Variants in EYS observed in about 807,000 individuals in gnomAD.
EYS encodes the protein protein eyes shut homolog.
Under a neutral mutation model 282.1 loss-of-function variants are expected in EYS, and 250 were observed. The observed-to-expected ratio is 0.89, with a 90% CI of 0.80 to 0.98. EYS has a LOEUF of 0.98. Ranked by LOEUF, EYS falls within the 50% of genes least tolerant of loss-of-function variation. The pLI is 0.00. For synonymous variants in EYS, 1,355 were observed against 1,282.9 expected (o/e 1.06, Z -1.20); for missense variants, 4,016 against 3,709.0 (o/e 1.08, Z -2.15).
At chr6:65,422,111 T>C (rs571304931) in intron 5 of EYS, among the ~76,000 whole-genome samples, 2 of 152,026 alleles carry the variant, frequency 1.3e-5, no homozygotes, top group East Asian at 1.9e-4. Context: ...GTGAAGCACA[T>C]TACAGCAAGG....
At position 64,256,760 on chromosome 6, in the gene EYS, C is replaced by A. The variant is rs931173396; in HGVS notation, c.6192-25936G>T. Among the ~76,000 whole-genome samples the A allele has an allele frequency of 9.2e-5, 14 of 151,976 alleles. 1 individual carries two copies. Among genetic ancestry groups the A allele is most frequent in the African/African-American group, 3.4e-4 (14 of 41,404 alleles). ...CTACCAGCTATGAAGGAGTGAAAGG[C>A]AGCTAGGGAACATGACCTACCATTT... On this transcript the variant is annotated intron_variant, in intron 30 of 42. Coordinates refer to ENST00000503581, the MANE Select transcript of EYS (RefSeq NM_001142800.2).
At chr6:64,793,849 C>G (rs1201221657) in intron 22 of EYS, among the ~76,000 whole-genome samples, 1 of 151,922 alleles carries the variant, frequency 6.6e-6, no homozygotes, top group Non-Finnish European at 1.5e-5. Flanking sequence ...GAGATATACT[C>G]TCTTAGCAAA....
intron 13 of EYS, among the ~76,000 whole-genome samples, chr6:65,024,829 G>A (rs941112974): frequency 3.9e-5 from 6 of 151,986 alleles, no homozygotes; most frequent in African/African-American, 1.5e-4. Flanking sequence ...TTAAATAACC[G>A]TGAAAAAGGT....
chr6:64,725,502 G>A (rs200342763), intron 22 of EYS, among the ~76,000 whole-genome samples: 83 of 152,204 alleles, frequency 5.5e-4, no homozygotes, highest in African/African-American at 1.9e-3. Context: ...TCTTCCTAGA[G>A]AAATGAAGGA....
Position 64,271,916 on chromosome 6 carries a change from T to C in EYS, c.6191+35054A>G, listed in dbSNP as rs982493042. Among the ~76,000 whole-genome samples the C allele has an allele frequency of 3.3e-5, 5 of 152,314 alleles. No homozygotes were observed. The South Asian group carries it at 1.0e-3, about 32-fold the overall frequency. The stretch of plus-strand genomic sequence containing the variant: ...GTGCAATGGCGTGATCTCAGCTCAC[T>C]GCAACCTCTGTGTCCTGGTTTCAAG... On this transcript the variant is annotated intron_variant, in intron 30 of 42. Coordinates refer to ENST00000503581, the MANE Select transcript of EYS (RefSeq NM_001142800.2).
chr6:65,653,405 G>T (rs1767721155), intron 1 of EYS, among the ~76,000 whole-genome samples: 1 of 151,844 alleles, frequency 6.6e-6, no homozygotes, highest in Admixed American at 6.6e-5. Flanking sequence ...AGATAAAATT[G>T]CCACCAAACA....
chr6:64,104,731 T>C (rs946942382), intron 31 of EYS, among the ~76,000 whole-genome samples: 2 of 147,310 alleles, frequency 1.4e-5, no homozygotes, highest in African/African-American at 5.2e-5. Flanking sequence ...ACTTATAATA[T>C]CTCTCTTCTG....
intron 29 of EYS, among the ~76,000 whole-genome samples, chr6:64,369,873 T>G (rs111624214): frequency 0.022 from 3,357 of 152,184 alleles, 141 homozygotes; most frequent in African/African-American, 0.075. Flanking sequence ...TTTTGTACAT[T>G]GATTTTATAT....
At chr6:64,292,612 T>A (rs956238937) in intron 30 of EYS, among the ~76,000 whole-genome samples, 1 of 152,110 alleles carries the variant, frequency 6.6e-6, no homozygotes, top group Non-Finnish European at 1.5e-5. Context: ...TATATATTTA[T>A]ATTTACATCT....
chr6:64,271,784 A>G (rs928586217), intron 30 of EYS, among the ~76,000 whole-genome samples: 5 of 151,726 alleles, frequency 3.3e-5, no homozygotes, highest in Non-Finnish European at 5.9e-5. Flanking sequence ...CTGTTGTTCC[A>G]TTGTTCTGTT....
chr6:64,608,544 CAGTG>C (rs1391756960), intron 24 of EYS, among the ~76,000 whole-genome samples: 1 of 152,218 alleles, frequency 6.6e-6, no homozygotes, highest in East Asian at 1.9e-4. Flanking sequence ...CTGTATAATC[CAGTG>C]AGTGTGTGCC....
At chr6:64,119,768 T>C (rs1448862411) in intron 31 of EYS, among the ~76,000 whole-genome samples, 1 of 152,214 alleles carries the variant, frequency 6.6e-6, no homozygotes, top group African/African-American at 2.4e-5. Flanking sequence ...GCTTTTCACG[T>C]AGAAGGCACA....
At chr6:65,263,933 G>GA (rs1326266200) in intron 12 of EYS, among the ~76,000 whole-genome samples, 48 of 151,658 alleles carry the variant, frequency 3.2e-4, no homozygotes, top group Non-Finnish European at 7.4e-5. Context: ...CAAGGAAGTA[G>GA]AAAAAAACAC....
At chr6:65,255,599 G>GCAAA (rs1272249341) in intron 12 of EYS, among the ~76,000 whole-genome samples, 1 of 151,894 alleles carries the variant, frequency 6.6e-6, no homozygotes, top group Non-Finnish European at 1.5e-5. Context: ...AAAAGTATTT[G>GCAAA]CAAACTACCC....
chr6:64,202,029 G>C (rs890713308), intron 31 of EYS, among the ~76,000 whole-genome samples: 7 of 152,088 alleles, frequency 4.6e-5, no homozygotes, highest in Non-Finnish European at 7.4e-5. Context: ...GAAAAGCTCT[G>C]AGTGAGACAA....
chr6:64,704,141 T>C (rs1770890888), intron 22 of EYS, among the ~76,000 whole-genome samples: 1 of 151,930 alleles, frequency 6.6e-6, no homozygotes, highest in Non-Finnish European at 1.5e-5. Flanking sequence ...CATGAAATTC[T>C]AAACAAGAAT....
chr6:63,743,645 G>A (rs1187316358), intron 41 of EYS, among the ~76,000 whole-genome samples: 1 of 152,166 alleles, frequency 6.6e-6, no homozygotes, highest in Non-Finnish European at 1.5e-5. Context: ...CTAATTTGAT[G>A]CACCGTTTGT....
intron 22 of EYS, among the ~76,000 whole-genome samples, chr6:64,679,700 A>G (rs1769829274): frequency 6.6e-6 from 1 of 152,168 alleles, no homozygotes; most frequent in African/African-American, 2.4e-5. Flanking sequence ...TGTTGTCATC[A>G]TTTTGGTTAT....
intron 30 of EYS, among the ~76,000 whole-genome samples, chr6:64,240,284 C>A (rs966890659): frequency 2.6e-5 from 4 of 152,112 alleles, no homozygotes; most frequent in Non-Finnish European, 4.4e-5. Context: ...TTTTCCAATT[C>A]TCTGAAGGAA....
Sources: gnomAD v4.1 joint callset for allele counts (sites outside exome capture counted in the v4.1 genomes callset) on GRCh38, gnomAD v4.1.1 for gene constraint, MANE v1.5 for transcripts, NCBI Gene and HGNC (gene_info 2026-07-23, HGNC 2026-07-21) for gene names.